The following IPO9 variants were observed in gnomAD, a reference collection of about 807,000 sequenced individuals.
IPO9 encodes the protein importin-9.
A neutral mutation model predicts 128.6 loss-of-function variants in IPO9; 28 were observed. The ratio of observed to expected loss-of-function variants is 0.22; its 90% CI spans 0.16 to 0.30. The LOEUF is 0.30. IPO9 is among the 10% of genes least tolerant of loss of function. IPO9 has a pLI of 1.00. For synonymous variants in IPO9, 455 were observed against 475.8 expected (o/e 0.96, Z 0.57); for missense variants, 935 against 1,293.9 (o/e 0.72, Z 4.26).
At position 201,872,928 on chromosome 1, in the gene IPO9, G is replaced by C. The variant is rs751728866; in HGVS notation, c.2677G>C (p.Glu893Gln). Residue 893 changes from glutamate (E) to glutamine (Q), a missense_variant, in exon 20 of 24, where the codon GAG becomes CAG. Transcript: ENST00000361565. ...VKGEEIYSMD[E>Q]GIRTRSKSAK... ...GGGAGAGGAGATCTACAGCATGGATGAGGGCATCCGCACCCGCTCTAAGTC... is the reference window on the plus strand; with the variant it reads ...GGGAGAGGAGATCTACAGCATGGATCAGGGCATCCGCACCCGCTCTAAGTC... 3.7e-6 allele frequency: 6 copies of C among 1,613,700 alleles called. No individual in the cohort carries two copies. Among genetic ancestry groups the C allele is most frequent in the East Asian group, 2.2e-5 (1 of 44,872 alleles).
At chr1:201,838,981 A>C (rs1679988510) in intron 1 of IPO9, among the ~76,000 whole-genome samples, 1 of 132,484 alleles carries the variant, frequency 7.5e-6, no homozygotes, top group Non-Finnish European at 1.6e-5. Flanking sequence ...GTGCAGTGGC[A>C]TGATCTTGGC....
At chr1:201,854,197 A>AT (rs1365924381) in intron 6 of IPO9, among the ~76,000 whole-genome samples, 1 of 152,222 alleles carries the variant, frequency 6.6e-6, no homozygotes, top group Non-Finnish European at 1.5e-5. Flanking sequence ...ACTTGTAAAA[A>AT]GCTTAGTCTT....
chr1:201,838,921 CTT>C (rs386354520), intron 1 of IPO9, among the ~76,000 whole-genome samples: 73 of 142,590 alleles, frequency 5.1e-4, no homozygotes, highest in Non-Finnish European at 5.7e-4. Flanking sequence ...TTAGAGGAAA[CTT>C]TTTTTTTTTT....
intron 23 of IPO9, 91 bp downstream of exon 23, chr1:201,875,319 G>T: frequency 8.7e-7 from 1 of 1,146,936 alleles, no homozygotes. Context: ...GCCAGGCATG[G>T]TGGCTCATGC....
In IPO9 at chr1:201,866,809, A is replaced by T; in HGVS notation, c.1705A>T (p.Ile569Phe). 3 of 1,614,132 alleles carry T rather than the reference A, an allele frequency of 1.9e-6. No homozygotes were observed. The highest frequency in any genetic ancestry group is 2.5e-6 in the Non-Finnish European group (3 of 1,180,016). ...PFLPSILDGL[I>F]HLAAQFSSEV... ...CCTCCCCAGCATCCTTGATGGCTTA[A>T]TTCACCTAGCAGCCCAGTTCAGCTC... The change falls in exon 15 of 24, where the codon ATT becomes TTT. Residue 569 changes from isoleucine to phenylalanine, a missense_variant. Physicochemically the swap from Ile to Phe is conservative, Grantham distance 21. Coordinates refer to ENST00000361565, the MANE Select transcript of IPO9 (RefSeq NM_018085.5).
At chr1:201,855,670 G>C (rs1001332826) in intron 9 of IPO9, 113 bp from the exon 10 acceptor site, 3 of 930,350 alleles carry the variant, frequency 3.2e-6, no homozygotes, top group Non-Finnish European at 4.8e-6. Context: ...ATGATCATTA[G>C]CAAGTACTTT....
chr1:201,849,738 A>G (rs1461494284), intron 4 of IPO9, among the ~76,000 whole-genome samples: 1 of 152,168 alleles, frequency 6.6e-6, no homozygotes, highest in Non-Finnish European at 1.5e-5. Flanking sequence ...TTTTTGAATT[A>G]CCCACTATAT....
intron 4 of IPO9, among the ~76,000 whole-genome samples, chr1:201,851,878 A>C (rs1231461845): frequency 6.6e-6 from 1 of 151,950 alleles, no homozygotes; most frequent in Non-Finnish European, 1.5e-5. Flanking sequence ...TTCTTTTTTA[A>C]TCTCTTGTAT....
chr1:201,867,931 A>G (rs940421436), intron 15 of IPO9, among the ~76,000 whole-genome samples: 1 of 152,282 alleles, frequency 6.6e-6, no homozygotes, highest in Non-Finnish European at 1.5e-5. Context: ...GCCATTACTA[A>G]TGTTCCATAA....
In IPO9 at chr1:201,848,352, T is replaced by C. The variant is rs367894241; in HGVS notation, c.313-41T>C. The C allele has an allele frequency of 6.4e-6, 10 of 1,570,282 alleles. No homozygotes were observed. In the African/African-American group the frequency reaches 1.4e-4, roughly 21 times the overall value. ...TTGAACTGGGCTCTGCCAGTCACTT[T>C]TAACCTGATCTAATAGCAGGTGGAC... On this transcript the variant is annotated intron_variant, in intron 3 of 23. Transcript: ENST00000361565.
At chr1:201,837,807 A>G (rs1253228309) in intron 1 of IPO9, among the ~76,000 whole-genome samples, 1 of 152,240 alleles carries the variant, frequency 6.6e-6, no homozygotes, top group Non-Finnish European at 1.5e-5. Context: ...ACGGGGGCTC[A>G]TGCCTGTAAT....
At chr1:201,862,685 A>T (rs1680471480) in intron 13 of IPO9, among the ~76,000 whole-genome samples, 1 of 151,976 alleles carries the variant, frequency 6.6e-6, no homozygotes, top group African/African-American at 2.4e-5. Context: ...GCATGCCTGT[A>T]ATCCCAGCTA....
In IPO9 at chr1:201,883,910, T is replaced by C. The variant is rs1298634857; in HGVS notation, c.*7856T>C. 6.6e-6 allele frequency: 1 copy of C among 152,240 alleles called. No individual in the cohort carries two copies. The highest frequency in any genetic ancestry group is 1.5e-5 in the Non-Finnish European group (1 of 68,048). The allele number at this position is 152,240 out of a possible 1,614,324, so 9.4% of individuals were successfully genotyped here. ...GCCCGGTTGTGTGACCTTGAGTAAG[T>C]TCTTTTTCCCTTGAACAGGGAGAGA... On this transcript the variant is annotated 3_prime_UTR_variant, in exon 24 of 24. Coordinates refer to ENST00000361565, the MANE Select transcript of IPO9 (RefSeq NM_018085.5).
At chr1:201,851,042 G>T (rs1056882888) in intron 4 of IPO9, among the ~76,000 whole-genome samples, 2 of 151,918 alleles carry the variant, frequency 1.3e-5, no homozygotes, top group Non-Finnish European at 1.5e-5. Context: ...TTGAGACATG[G>T]TCTCACTCTG....
chr1:201,831,429 G>A (rs1245073383), intron 1 of IPO9, among the ~76,000 whole-genome samples: 2 of 152,034 alleles, frequency 1.3e-5, no homozygotes, highest in South Asian at 4.2e-4. Context: ...GCAATGCTTC[G>A]GACCCTTTGG....
intron 1 of IPO9, among the ~76,000 whole-genome samples, chr1:201,831,763 G>T (rs919190162): frequency 6.6e-6 from 1 of 152,142 alleles, no homozygotes; most frequent in Non-Finnish European, 1.5e-5. Context: ...CAACTATCTG[G>T]CCTGATGAAA....
At chr1:201,856,369 C>G (rs557059866) in intron 10 of IPO9, among the ~76,000 whole-genome samples, 1 of 152,066 alleles carries the variant, frequency 6.6e-6, no homozygotes, top group Non-Finnish European at 1.5e-5. Context: ...ATAATCAGAC[C>G]ATTAGCCTGA....
In IPO9 at chr1:201,829,182, CGGGGCTGGCGGGCTGA is replaced by C; in HGVS notation, c.-23_-8del. ...GTCATTCGGTGGCGGGTCCCGGCCG[CGGGGCTGGCGGGCTGA>C]GGGGAGAAAAGATGGCGGCGGCGGC... On this transcript the variant is annotated 5_prime_UTR_variant, in exon 1 of 24. Transcript: ENST00000361565. 2 of 1,467,658 alleles carry C rather than the reference CGGGGCTGGCGGGCTGA, an allele frequency of 1.4e-6. No homozygotes were observed. The highest frequency in any genetic ancestry group is 1.8e-6 in the Non-Finnish European group (2 of 1,110,362). 90.9% of individuals were successfully genotyped at this position (1,467,658 alleles called of 1,614,324 possible). A position where few individuals can be genotyped will look rare whatever the true frequency, so the allele number is the denominator to read the frequency against.
chr1:201,869,410 C>T (rs1398147246), intron 16 of IPO9, among the ~76,000 whole-genome samples, 180 bp from the exon 17 acceptor site: 1 of 152,184 alleles, frequency 6.6e-6, no homozygotes, highest in Non-Finnish European at 1.5e-5. Context: ...AATTAGTAAG[C>T]TATTATGAGA....
Sources: allele counts gnomAD v4.1 joint callset (sites outside exome capture counted in the v4.1 genomes callset), GRCh38; gene constraint gnomAD v4.1.1; transcripts MANE v1.5; gene names NCBI Gene and HGNC (gene_info 2026-07-23, HGNC 2026-07-21).